GPR84: variants seen among roughly 807,000 people sequenced by gnomAD.
GPR84 encodes the protein G protein-coupled receptor 84, also known as G-protein coupled receptor 84.
In GPR84, 8 loss-of-function variants were observed where a neutral mutation model predicts 14.9. That is an observed-to-expected ratio of 0.54 (90% CI 0.31 to 0.97). GPR84 has a LOEUF of 0.97. Among genes scored for constraint, GPR84 ranks in the 50% least tolerant of loss-of-function variants. The pLI is 0.04. For missense variants in GPR84, 424 were observed against 498.7 expected (o/e 0.85, Z 1.43); for synonymous variants, 164 against 198.1 (o/e 0.83, Z 1.45).
chr12:54,363,593 G>T lies in GPR84; in HGVS notation c.259C>A (p.Arg87Ser). The T allele has an allele frequency of 6.2e-7, 1 of 1,613,806 alleles. No individual in the cohort carries two copies. Among genetic ancestry groups the T allele is most frequent in the Non-Finnish European group, 8.5e-7 (1 of 1,179,716 alleles). Residue 87 changes from arginine (R) to serine (S), a missense_variant, in exon 2 of 2, where the codon CGC (arginine) becomes AGC (serine). By Grantham distance (110) the Arg-to-Ser change is moderately radical (BLOSUM62 -1). Transcript: ENST00000267015. ...ACCCTGCAGAAGGTGGCACCGGTGC[G>T]CCAGTGCAGGTGGAGGTAGGTGTCC... ...SVDTYLHLHW[R>S]TGATFCRVFG... is the part of the protein sequence containing the mutation.
chr12:54,361,046 G>A (rs758143059), downstream of GPR84, among the ~76,000 whole-genome samples: 3 of 152,188 alleles, frequency 2.0e-5, no homozygotes, highest in Non-Finnish European at 2.9e-5. This position sits in a 1 kb window ranked among gnomAD's most constrained non-coding sequence, Gnocchi z 4.3. Context: ...GGTGGCCACA[G>A]GTGCTTTAAG....
At chr12:54,354,730 C>G in the GPR84 span, among the ~76,000 whole-genome samples, 1 of 151,860 alleles carries the variant, frequency 6.6e-6, no homozygotes, top group Non-Finnish European at 1.5e-5. Context: ...TAGGTGTGAG[C>G]CACCATGCCC....
At chr12:54,361,756 C>T (rs554815234), downstream of GPR84, among the ~76,000 whole-genome samples, 3 of 152,334 alleles carry the variant, frequency 2.0e-5, no homozygotes, top group East Asian at 1.9e-4. The surrounding 1 kb of genome is among the most constrained non-coding windows in gnomAD (Gnocchi z 4.3). Context: ...GATCTGCCCA[C>T]CTCCGCCTCC....
chr12:54,364,248 G>C (rs914208685), intron 1 of GPR84, 145 bp downstream of exon 1: 21 of 169,698 alleles, frequency 1.2e-4, no homozygotes, highest in Non-Finnish European at 2.2e-4. Flanking sequence ...ATTCAGCATC[G>C]TGTATTCAGG....
downstream of GPR84, among the ~76,000 whole-genome samples, chr12:54,357,902 T>C (rs2137124338): frequency 6.6e-6 from 1 of 152,252 alleles, no homozygotes; most frequent in African/African-American, 2.4e-5. Context: ...TCCTCCCCTA[T>C]CTGCCTTCAA....
rs200325112 is a variant in GPR84 at position 54,363,283 on chromosome 12, C to T, written c.569G>A (p.Gly190Glu). 658 of 1,614,022 alleles carry T rather than the reference C, an allele frequency of 4.1e-4. No homozygotes were observed. Among genetic ancestry groups the T allele is most frequent in the Non-Finnish European group, 5.2e-4 (615 of 1,180,038 alleles). ...ATAGAAGATGCCAACACTGCTGAGC[C>T]CAAGCACAAAGTAGATGCCCATGAG... ...TILMGIYFVLGLSSVGIFYCL... is the reference protein window; with the variant it reads ...TILMGIYFVLELSSVGIFYCL... Residue 190 changes from glycine to glutamate, a missense_variant, in exon 2 of 2, where the codon GGG becomes GAG. Physicochemically the swap from Gly to Glu is moderately conservative, Grantham distance 98 (BLOSUM62 -2). Coordinates refer to ENST00000267015, the MANE Select transcript of GPR84 (RefSeq NM_020370.3).
chr12:54,350,769 C>T, the GPR84 span: 1 of 564,860 alleles, frequency 1.8e-6, no homozygotes, highest in East Asian at 2.9e-5. Flanking sequence ...GGGAAGCACC[C>T]TCTTTCTTTC....
In GPR84 at chr12:54,363,327, G is replaced by A. The variant is rs1592219303; in HGVS notation, c.525C>T (p.Gly175=). 7 of 1,614,144 alleles carry A rather than the reference G, an allele frequency of 4.3e-6. No homozygotes were observed. Among genetic ancestry groups the A allele is most frequent in the Non-Finnish European group, 2.5e-6 (3 of 1,180,008 alleles). Residue 175 remains glycine, a synonymous_variant, in exon 2 of 2, where the codon GGC becomes GGT. Coordinates refer to ENST00000267015, the MANE Select transcript of GPR84 (RefSeq NM_020370.3). ...CCATGAGGATGGTGGTGTAAGGCCG[G>A]CCTCGGATGCGGTCAAAGCTGCAGG... ...VCTCSFDRIR[G]RPYTTILMGI... is the part of the protein sequence containing the mutation.
downstream of GPR84, among the ~76,000 whole-genome samples, chr12:54,359,149 G>GA (rs1954241228): frequency 6.6e-6 from 1 of 152,036 alleles, no homozygotes. Context: ...AAGGGGAGGG[G>GA]AGGGGCATCC....
In GPR84 at chr12:54,363,808, G is replaced by T. The variant is rs77767409; in HGVS notation, c.44C>A (p.Ser15Tyr). The change falls in exon 2 of 2, where the codon TCT becomes TAT. Residue 15 changes from serine (S) to tyrosine (Y), a missense_variant. Physicochemically the swap from Ser to Tyr is moderately radical, Grantham distance 144. Transcript: ENST00000267015. ...SDANFSCYHE[S>Y]VLGYRYVAVS... ...TGCAACATAACGATAGCCCAGCACA[G>T]ACTCATGGTAGCAGGAGAAGTTGGC... 2.7e-4 allele frequency: 429 copies of T among 1,608,726 alleles called. 2 individuals carry two copies. The East Asian group carries it at 8.6e-3, about 32-fold the overall frequency.
chr12:54,356,765 G>A, the GPR84 span, among the ~76,000 whole-genome samples: 1 of 152,196 alleles, frequency 6.6e-6, no homozygotes, highest in African/African-American at 2.4e-5. Flanking sequence ...ATTCCCACCC[G>A]GGTCTGGTGA....
downstream of GPR84, among the ~76,000 whole-genome samples, chr12:54,359,472 A>C (rs1954246892): frequency 6.6e-6 from 1 of 152,086 alleles, no homozygotes; most frequent in South Asian, 2.1e-4. Flanking sequence ...CTTAGGAGAA[A>C]AAAAAAGGCG....
the GPR84 span, among the ~76,000 whole-genome samples, chr12:54,354,802 G>T: frequency 6.6e-6 from 1 of 151,836 alleles, no homozygotes. Context: ...CCTTAGTTGT[G>T]CTTCTCTTTC....
chr12:54,363,237 G>T lies in GPR84; in HGVS notation c.615C>A (p.Val205=). The change falls in exon 2 of 2, where the codon GTC becomes GTA. Residue 205 remains valine (V), a synonymous_variant. Transcript: ENST00000267015. ...GGTCCAGTGCCTGTGCTGCTCGTTT[G>T]ACCTGGCGGTGGATGAGGCAATAGA... is the stretch of plus-strand genomic sequence containing the variant. The part of the protein sequence containing the change: ...GIFYCLIHRQ[V]KRAAQALDQY... 6.2e-7 allele frequency: 1 copy of T among 1,614,188 alleles called. No individual in the cohort carries two copies. The highest frequency in any genetic ancestry group is 1.1e-5 in the South Asian group (1 of 91,076).
At chr12:54,361,485 C>T (rs571238120), downstream of GPR84, among the ~76,000 whole-genome samples, 1 of 152,318 alleles carries the variant, frequency 6.6e-6, no homozygotes, top group East Asian at 1.9e-4. The surrounding 1 kb of genome is among the most constrained non-coding windows in gnomAD (Gnocchi z 4.3). Flanking sequence ...ATTCTCCTGC[C>T]TCAGCCTTCT....
chr12:54,359,529 A>T (rs1954247636), downstream of GPR84, among the ~76,000 whole-genome samples: 1 of 152,214 alleles, frequency 6.6e-6, no homozygotes, highest in African/African-American at 2.4e-5. Context: ...AGAGACGGAC[A>T]GATGGAAAGA....
chr12:54,360,980 G>A (rs891263128), downstream of GPR84, among the ~76,000 whole-genome samples: 1 of 152,180 alleles, frequency 6.6e-6, no homozygotes, highest in Admixed American at 6.5e-5. Flanking sequence ...TCCCAGTCCT[G>A]CCTTGTGTCC....
chr12:54,359,195 C>T (rs1336304410), downstream of GPR84, among the ~76,000 whole-genome samples: 1 of 152,128 alleles, frequency 6.6e-6, no homozygotes, highest in East Asian at 1.9e-4. Context: ...ACCCCCCTCC[C>T]CGCGGCTGCT....
chr12:54,354,596 CTTTTT>C, the GPR84 span, among the ~76,000 whole-genome samples: 1 of 128,640 alleles, frequency 7.8e-6, no homozygotes, highest in African/African-American at 2.9e-5. Flanking sequence ...CTATGCCTAG[CTTTTT>C]TTTTTTTTTT....
Sources: gnomAD v4.1 joint callset for allele counts (sites outside exome capture counted in the v4.1 genomes callset) on GRCh38, gnomAD v4.1.1 for gene constraint, Gnocchi (gnomAD v3.1) non-coding constraint, MANE v1.5 for transcripts, NCBI Gene and HGNC (gene_info 2026-07-23, HGNC 2026-07-21) for gene names.